The following PCDH15 variants were observed in gnomAD, a reference collection of about 807,000 sequenced individuals.
PCDH15 encodes the protein protocadherin related 15.
PCDH15 carries 129 observed loss-of-function variants against 178.5 expected under a neutral mutation model. The observed-to-expected ratio is 0.72, with a 90% CI of 0.63 to 0.84. PCDH15 has a LOEUF of 0.84. PCDH15 is among the 40% of genes least tolerant of loss of function. PCDH15 has a pLI of 0.00. For synonymous variants in PCDH15, 800 were observed against 732.0 expected (o/e 1.09, Z -1.50); for missense variants, 2,230 against 2,099.9 (o/e 1.06, Z -1.21).
rs189367296 is a variant in PCDH15, at chr10:55,120,756, C to T, written c.-80+45820G>A. Among the ~76,000 whole-genome samples the T allele has an allele frequency of 3.3e-3, 507 of 152,246 alleles. 16 individuals are homozygous for T. Among genetic ancestry groups the T allele is most frequent in the Non-Finnish European group, 1.2e-3 (83 of 68,016 alleles). ...TCTTGTGCAGTGCTCTTTGGTCTCC[C>T]CAGTTGTGACTGAAGTGGGCTCAGA... On this transcript the variant is annotated intron_variant, in intron 2 of 5. Coordinates refer to the PCDH15 transcript ENST00000458638.
chr10:55,395,009 A>C (rs936777091), intron 2 of PCDH15, among the ~76,000 whole-genome samples: 3 of 152,126 alleles, frequency 2.0e-5, no homozygotes, highest in African/African-American at 7.2e-5. Context: ...ATATTTAACT[A>C]TGAAAATAAA....
intron 2 of PCDH15, among the ~76,000 whole-genome samples, chr10:55,154,074 C>A (rs1379776273): frequency 6.6e-6 from 1 of 152,062 alleles, no homozygotes; most frequent in Non-Finnish European, 1.5e-5. Flanking sequence ...ATACAATTTT[C>A]CTATTATACA....
At chr10:54,289,895 T>C (rs893431850) in intron 8 of PCDH15, among the ~76,000 whole-genome samples, 2 of 152,148 alleles carry the variant, frequency 1.3e-5, no homozygotes, top group East Asian at 1.9e-4. Context: ...TATAGGACTA[T>C]GTGAAAAGAC....
intron 27 of PCDH15, among the ~76,000 whole-genome samples, chr10:53,863,843 C>A (rs1186919165): frequency 6.6e-6 from 1 of 152,112 alleles, no homozygotes; most frequent in East Asian, 1.9e-4. Flanking sequence ...AAACAGAATT[C>A]ATCTAAAGGA....
chr10:55,404,056 A>G (rs1157093837), intron 2 of PCDH15, among the ~76,000 whole-genome samples: 1 of 152,062 alleles, frequency 6.6e-6, no homozygotes, highest in African/African-American at 2.4e-5. Flanking sequence ...ATGCTAATAA[A>G]AAAGAGCAAT....
At chr10:54,481,430 C>T (rs9299552) in intron 3 of PCDH15, among the ~76,000 whole-genome samples, 64,521 of 151,448 alleles carry the variant, frequency 0.43, 14,412 homozygotes, top group Admixed American at 0.57. Context: ...TGTTTGTGTA[C>T]ATACTCTTGT....
chr10:55,365,906 C>G (rs1331609928), intron 2 of PCDH15, among the ~76,000 whole-genome samples: 1 of 152,002 alleles, frequency 6.6e-6, no homozygotes, highest in Non-Finnish European at 1.5e-5. Context: ...CCATTGTATC[C>G]TATCAGTAGT....
chr10:54,268,283 T>A (rs544601185), intron 8 of PCDH15, among the ~76,000 whole-genome samples: 100 of 151,932 alleles, frequency 6.6e-4, no homozygotes, highest in African/African-American at 2.3e-3. Flanking sequence ...AACTCAAGAT[T>A]GATAAAAGAC....
intron 20 of PCDH15, among the ~76,000 whole-genome samples, chr10:54,004,540 A>G (rs1019686378): frequency 6.6e-6 from 1 of 152,088 alleles, no homozygotes; most frequent in Non-Finnish European, 1.5e-5. Flanking sequence ...AAAGAAATCA[A>G]TAAAGTAATC....
intron 2 of PCDH15, among the ~76,000 whole-genome samples, chr10:55,424,837 G>A (rs1278537945): frequency 2.0e-5 from 3 of 151,622 alleles, no homozygotes; most frequent in Non-Finnish European, 2.9e-5. Flanking sequence ...TTCCAATTAC[G>A]TTTTCAAAGA....
chr10:55,570,642 T>G (rs1842391966), intron 2 of PCDH15, among the ~76,000 whole-genome samples: 1 of 151,974 alleles, frequency 6.6e-6, no homozygotes. Context: ...AAGTAATATA[T>G]ATTTACTTAT....
intron 3 of PCDH15, among the ~76,000 whole-genome samples, chr10:54,391,598 A>C (rs1444072472): frequency 5.9e-5 from 9 of 151,300 alleles, no homozygotes; most frequent in Admixed American, 3.3e-4. Flanking sequence ...AAAAAAAAAA[A>C]ACAACATAAT....
At chr10:54,588,021 T>G (rs950253973) in intron 2 of PCDH15, among the ~76,000 whole-genome samples, 2 of 152,188 alleles carry the variant, frequency 1.3e-5, no homozygotes, top group Non-Finnish European at 2.9e-5. Flanking sequence ...TTAAAGGTTA[T>G]GGAATAATAT....
chr10:55,250,477 C>A (rs1841805052), intron 1 of PCDH15, among the ~76,000 whole-genome samples: 1 of 144,190 alleles, frequency 6.9e-6, no homozygotes. Context: ...TCAGTCAGAC[C>A]CTTGTAAAAA....
At chr10:53,959,164 G>A (rs2087977861) in intron 23 of PCDH15, among the ~76,000 whole-genome samples, 1 of 147,320 alleles carries the variant, frequency 6.8e-6, no homozygotes, top group Admixed American at 6.8e-5. Flanking sequence ...TATTATATAT[G>A]TGTATATATA....
At chr10:54,062,769 GC>G (rs1177677443) in intron 18 of PCDH15, among the ~76,000 whole-genome samples, 1 of 72,716 alleles carries the variant, frequency 1.4e-5, no homozygotes, top group Non-Finnish European at 3.2e-5. Flanking sequence ...ACTAGGAAAA[GC>G]GGGAAAAAAA....
chr10:55,180,470 G>A (rs1482716918), intron 1 of PCDH15, among the ~76,000 whole-genome samples: 2 of 152,112 alleles, frequency 1.3e-5, no homozygotes, highest in Non-Finnish European at 2.9e-5. Context: ...AAATAGTTAA[G>A]AAGCTATTGT....
chr10:54,424,883 T>A (rs1361988210), intron 3 of PCDH15, among the ~76,000 whole-genome samples: 1 of 131,838 alleles, frequency 7.6e-6, no homozygotes, highest in African/African-American at 2.7e-5. Flanking sequence ...GGGGGAGGGA[T>A]AGCATTAGGA....
At chr10:53,860,072 T>A (rs2079001828) in intron 27 of PCDH15, among the ~76,000 whole-genome samples, 1 of 152,186 alleles carries the variant, frequency 6.6e-6, no homozygotes, top group African/African-American at 2.4e-5. Flanking sequence ...TTCCATCATC[T>A]ATACTGGGTG....
Sources: allele counts gnomAD v4.1 joint callset (sites outside exome capture counted in the v4.1 genomes callset), GRCh38; gene constraint gnomAD v4.1.1; transcripts MANE v1.5; gene names NCBI Gene and HGNC (gene_info 2026-07-23, HGNC 2026-07-21).